Variants in TNRC18 observed in about 807,000 individuals in gnomAD.
The protein encoded by TNRC18 is trinucleotide repeat containing 18, also known as trinucleotide repeat-containing gene 18 protein.
In TNRC18, 69 loss-of-function variants were observed where a neutral mutation model predicts 226.7. That is an observed-to-expected ratio of 0.30 (90% CI 0.25 to 0.37). The LOEUF (loss-of-function observed/expected upper bound fraction) is 0.37. Among genes scored for constraint, TNRC18 ranks in the 10% least tolerant of loss-of-function variants. TNRC18 has a pLI of 1.00. For missense variants in TNRC18, 4,754 were observed against 4,256.6 expected, an observed-to-expected ratio of 1.12 and a Z score of -3.25; for synonymous variants, 2,449 against 1,927.6, an observed-to-expected ratio of 1.27 and a Z score of -7.09.
chr7:5,388,247 A>C lies in TNRC18; in HGVS notation c.1577T>G (p.Leu526Arg), dbSNP rs758055264. The C allele has an allele frequency of 1.2e-6, 2 of 1,606,978 alleles. No homozygotes were observed. The highest frequency in any genetic ancestry group is 4.5e-5 in the East Asian group (2 of 44,670). Residue 526 changes from leucine to arginine, a missense_variant, in exon 5 of 30, where the codon CTG becomes CGG. Coordinates refer to ENST00000430969, the MANE Select transcript of TNRC18 (RefSeq NM_001080495.3). ...GCGGCTGTGGTGGTGCTGCGCGGCC[A>C]GCACGGCCATCTGCGTGGCGGCGAA... The part of the protein sequence containing the change: ...GNFAATQMAV[L>R]AAQHHHSRAE...
intron 18 of TNRC18, among the ~76,000 whole-genome samples, chr7:5,338,365 A>G (rs558689773): frequency 6.6e-6 from 1 of 152,334 alleles, no homozygotes; most frequent in East Asian, 1.9e-4. Flanking sequence ...ATTGTAACCA[A>G]GAGAGCTGGC....
intron 2 of TNRC18, among the ~76,000 whole-genome samples, chr7:5,404,334 G>A (rs1235255386): frequency 6.6e-6 from 1 of 151,966 alleles, no homozygotes; most frequent in East Asian, 1.9e-4. Context: ...TCACGCCACT[G>A]CACTCCAGCC....
At chr7:5,311,723 CG>C (rs1787229639) in intron 27 of TNRC18, among the ~76,000 whole-genome samples, 1 of 151,846 alleles carries the variant, frequency 6.6e-6, no homozygotes, top group African/African-American at 2.4e-5. Flanking sequence ...GAGGCTGAGG[CG>C]GGAAAACTGC....
At position 5,307,836 on chromosome 7, in the gene TNRC18, C is replaced by T. The variant is rs1321229155; in HGVS notation, c.*270G>A. On this transcript the variant is annotated 3_prime_UTR_variant, in exon 30 of 30. Coordinates refer to ENST00000430969, the MANE Select transcript of TNRC18 (RefSeq NM_001080495.3). ...TTGCAACGTGCTGGGCAGGAAGGGC[C>T]GGTCCGGCCATACCCTGATAGCTAA... 8 of 513,930 alleles carry T rather than the reference C, an allele frequency of 1.6e-5. No homozygotes were observed. The highest frequency in any genetic ancestry group is 3.9e-5 in the African/African-American group (2 of 51,914). 31.8% of individuals were successfully genotyped at this position (513,930 alleles called of 1,614,324 possible).
chr7:5,315,217 T>A, intron 25 of TNRC18, 69 bp from the exon 26 acceptor site: 1 of 1,518,078 alleles, frequency 6.6e-7, no homozygotes, highest in Non-Finnish European at 8.9e-7. Flanking sequence ...AAGACCCTGG[T>A]CTGTCCCGGG....
chr7:5,328,301 C>G (rs749481755), intron 19 of TNRC18, among the ~76,000 whole-genome samples: 11 of 151,998 alleles, frequency 7.2e-5, no homozygotes, highest in Non-Finnish European at 1.0e-4. Flanking sequence ...GGCAGGAGGA[C>G]TGCTTGAGCC....
Position 5,388,589 on chromosome 7 carries a change from G to A in TNRC18, c.1235C>T (p.Ala412Val), listed in dbSNP as rs1234135097. Residue 412 changes from alanine to valine, a missense_variant, in exon 5 of 30, where the codon GCG (alanine) becomes GTG (valine). Coordinates refer to ENST00000430969, the MANE Select transcript of TNRC18 (RefSeq NM_001080495.3). ...CAGAGGCCGCGGGGAGCCGGGGGGCGCCTGCAGGACCCCTGGCCTGCCAGC... is the reference window on the plus strand; with the variant it reads ...CAGAGGCCGCGGGGAGCCGGGGGGCACCTGCAGGACCCCTGGCCTGCCAGC... The part of the protein sequence containing the change: ...REAGRPGVLQ[A>V]PPGSPRPLDR... The A allele has an allele frequency of 2.3e-6, 3 of 1,299,006 alleles. No homozygotes were observed. Among genetic ancestry groups the A allele is most frequent in the South Asian group, 3.7e-5 (2 of 53,624 alleles). 80.5% of individuals were successfully genotyped at this position (1,299,006 alleles called of 1,614,324 possible).
At chr7:5,352,869 T>C (rs570318986) in intron 16 of TNRC18, among the ~76,000 whole-genome samples, 2 of 152,212 alleles carry the variant, frequency 1.3e-5, no homozygotes, top group African/African-American at 2.4e-5. Flanking sequence ...AGACAGGGGT[T>C]CCAGAGACAG....
Position 5,376,238 on chromosome 7 carries a change from G to T in TNRC18, c.2609-14C>A. On this transcript the variant is annotated splice_polypyrimidine_tract_variant and intron_variant, in intron 8 of 29. Transcript: ENST00000430969. The stretch of plus-strand genomic sequence containing the variant: ...CCATCAGCTCCGCTGCAGGGACAGA[G>T]ACAGTGCGCTGCACCTGCGGCCTGA... 6.8e-7 allele frequency: 1 copy of T among 1,474,894 alleles called. No individual in the cohort carries two copies. The highest frequency in any genetic ancestry group is 8.9e-7 in the Non-Finnish European group (1 of 1,118,024). 91.4% of individuals were successfully genotyped at this position (1,474,894 alleles called of 1,614,324 possible).
intron 15 of TNRC18, 39 bp from the exon 16 acceptor site, chr7:5,357,315 C>G (rs770719066): frequency 6.4e-7 from 1 of 1,568,654 alleles, no homozygotes; most frequent in South Asian, 1.2e-5. Flanking sequence ...AAAGATCTGA[C>G]AAAACAGTAT....
chr7:5,359,646 G>T, intron 14 of TNRC18, 77 bp from the exon 15 acceptor site: 1 of 1,570,754 alleles, frequency 6.4e-7, no homozygotes, highest in Non-Finnish European at 8.7e-7. Flanking sequence ...TCATGGCCCT[G>T]AAGGGTTGGG....
intron 11 of TNRC18, among the ~76,000 whole-genome samples, 190 bp downstream of exon 11, chr7:5,370,185 T>C (rs1208264711): frequency 2.0e-5 from 3 of 151,912 alleles, no homozygotes; most frequent in African/African-American, 7.3e-5. Context: ...TAGCTGGGCA[T>C]GGTGGTGGAC....
In TNRC18 at chr7:5,339,399, C is replaced by A. The variant is rs541670551; in HGVS notation, c.5719+6163G>T. Among the ~76,000 whole-genome samples, 62 of 152,014 alleles carry A rather than the reference C, an allele frequency of 4.1e-4. 1 individual carries two copies. Among genetic ancestry groups the A allele is most frequent in the Non-Finnish European group, 2.5e-4 (17 of 67,972 alleles). On this transcript the variant is annotated intron_variant, in intron 18 of 29. Transcript: ENST00000430969. ...GGATTACAGGTGCCCACAACCACAC[C>A]TGGCTAGTTTTTATCTTTTTAGTAC...
intron 19 of TNRC18, among the ~76,000 whole-genome samples, chr7:5,329,039 A>G (rs919193727): frequency 1.3e-5 from 2 of 152,122 alleles, no homozygotes; most frequent in African/African-American, 4.8e-5. Flanking sequence ...GTGGTGGCTC[A>G]TGCCTATAAT....
chr7:5,371,663 G>A (rs1234090829), intron 10 of TNRC18, among the ~76,000 whole-genome samples: 1 of 152,204 alleles, frequency 6.6e-6, no homozygotes, highest in East Asian at 1.9e-4. Flanking sequence ...TAGACCAGAA[G>A]CCAACACTTC....
intron 18 of TNRC18, among the ~76,000 whole-genome samples, chr7:5,339,732 G>A (rs1790497266): frequency 6.6e-6 from 1 of 151,650 alleles, no homozygotes; most frequent in Non-Finnish European, 1.5e-5. Flanking sequence ...ACCACATCTG[G>A]ATAATTTTTG....
At position 5,345,761 on chromosome 7, in the gene TNRC18, G is replaced by A. The variant is rs765161788; in HGVS notation, c.5520C>T (p.Asp1840=). Residue 1840 remains aspartate, a synonymous_variant, in exon 18 of 30, where the codon GAC becomes GAT. Coordinates refer to ENST00000430969, the MANE Select transcript of TNRC18 (RefSeq NM_001080495.3). ...EDEEEELEEE[D]EASGGGYRLG... is the part of the protein sequence containing the mutation. ...GCCTGTAGCCACCACCGCTGGCCTC[G>A]TCCTCCTCCTCGAGCTCCTCCTCCT... The A allele has an allele frequency of 1.4e-4, 211 of 1,547,382 alleles. No individual in the cohort carries two copies. In the East Asian group the frequency reaches 4.1e-3, roughly 30 times the overall value.
intron 19 of TNRC18, among the ~76,000 whole-genome samples, chr7:5,326,827 A>AG (rs1388078561): frequency 6.6e-6 from 1 of 150,744 alleles, no homozygotes; most frequent in East Asian, 2.0e-4. Context: ...AATAAAATTA[A>AG]GGAAAAAAAA....
At chr7:5,352,883 A>G (rs555648289) in intron 16 of TNRC18, among the ~76,000 whole-genome samples, 1 of 152,370 alleles carries the variant, frequency 6.6e-6, no homozygotes, top group South Asian at 2.1e-4. Flanking sequence ...GAGACAGAGA[A>G]TAATCCCCTG....
Sources: gnomAD v4.1 joint callset for allele counts (sites outside exome capture counted in the v4.1 genomes callset) on GRCh38, gnomAD v4.1.1 for gene constraint, MANE v1.5 for transcripts, NCBI Gene and HGNC (gene_info 2026-07-23, HGNC 2026-07-21) for gene names.